The following VIPR2 variants were observed in gnomAD, a reference collection of about 807,000 sequenced individuals.
The protein encoded by VIPR2 is vasoactive intestinal peptide receptor 2.
In VIPR2, 48 loss-of-function variants were observed where a neutral mutation model predicts 58.0. That is an observed-to-expected ratio of 0.83 (90% confidence interval 0.66 to 1.05). VIPR2 has a LOEUF of 1.05. Ranked by LOEUF, VIPR2 falls within the 50% of genes least tolerant of loss-of-function variation. The probability of loss-of-function intolerance (pLI) is 0.00; values close to 1 mark genes in which losing one functional copy is unlikely to be tolerated. For synonymous variants in VIPR2, 243 were observed against 235.2 expected, an observed-to-expected ratio of 1.03 and a Z score of -0.30; for missense variants, 534 against 558.0, an observed-to-expected ratio of 0.96 and a Z score of 0.43.
chr7:159,068,066 G>A (rs1328254599), intron 4 of VIPR2, among the ~76,000 whole-genome samples: 5 of 152,210 alleles, frequency 3.3e-5, no homozygotes, highest in South Asian at 2.1e-4. Context: ...AACAGCAACC[G>A]GCTCAGAAAT....
intron 1 of VIPR2, chr7:159,144,424 C>T: frequency 5.8e-6 from 9 of 1,547,412 alleles, no homozygotes; most frequent in Non-Finnish European, 7.9e-6. Context: ...ACGAGCTCAT[C>T]GTTGACGCGT....
At chr7:159,142,326 C>A (rs1012556507) in intron 2 of VIPR2, 120 bp downstream of exon 2, 6 of 715,460 alleles carry the variant, frequency 8.4e-6, no homozygotes, top group African/African-American at 5.8e-5. Flanking sequence ...TGGGAAGTGG[C>A]CTTTCTTTTT....
In VIPR2 at chr7:159,096,909, C is replaced by T; in HGVS notation, c.357+6848G>A. On this transcript the variant is annotated intron_variant, in intron 4 of 12. Transcript: ENST00000262178. The surrounding 1 kb of genome is among the most constrained non-coding windows in gnomAD (Gnocchi z 5.5). Reference sequence around the variant, plus strand: ...GTGGCCGCCTTGCTGTCCCCGTTCCCATCACTCGATGAGCCAATGCCCTCG... The same window carrying T: ...GTGGCCGCCTTGCTGTCCCCGTTCCTATCACTCGATGAGCCAATGCCCTCG... The T allele has an allele frequency of 6.4e-7, 1 of 1,550,774 alleles. No homozygotes were observed. Among genetic ancestry groups the T allele is most frequent in the Non-Finnish European group, 8.7e-7 (1 of 1,147,118 alleles).
At chr7:159,112,315 T>A (rs148921829) in intron 2 of VIPR2, among the ~76,000 whole-genome samples, 29 of 152,026 alleles carry the variant, frequency 1.9e-4, no homozygotes, top group Admixed American at 1.5e-3. Context: ...CTCGAGGGCG[T>A]CAGGGCGCCG....
chr7:159,097,268 T>A lies in VIPR2; in HGVS notation c.357+6489A>T, dbSNP rs1383684248. 7.3e-7 allele frequency: 1 copy of A among 1,374,264 alleles called. No homozygotes were observed. The highest frequency in any genetic ancestry group is 9.4e-7 in the Non-Finnish European group (1 of 1,064,292). The allele number at this position is 1,374,264 out of a possible 1,614,324, so 85.1% of individuals were successfully genotyped here. A position where few individuals can be genotyped will look rare whatever the true frequency, so the allele number is the denominator to read the frequency against. ...CTGGAGGAGGGCAGAGGCTTATTTT[T>A]AGGGATGTGGCGTAACACGGAAGAA... On this transcript the variant is annotated intron_variant, in intron 4 of 12. Transcript: ENST00000262178. This position sits in a 1 kb window ranked among gnomAD's most constrained non-coding sequence, Gnocchi z 5.3.
chr7:159,069,175 C>T (rs1325924317), intron 4 of VIPR2, among the ~76,000 whole-genome samples: 1 of 152,210 alleles, frequency 6.6e-6, no homozygotes, highest in Non-Finnish European at 1.5e-5. Context: ...TTCACTACCG[C>T]CTCAGCAACT....
intron 4 of VIPR2, among the ~76,000 whole-genome samples, chr7:159,094,930 C>G (rs1324226054): frequency 6.6e-6 from 1 of 152,168 alleles, no homozygotes; most frequent in Non-Finnish European, 1.5e-5. Flanking sequence ...AAGTGGGGGC[C>G]TTTGCTTTGC....
chr7:159,065,074 G>T (rs1487435140), intron 4 of VIPR2, among the ~76,000 whole-genome samples: 2 of 152,218 alleles, frequency 1.3e-5, no homozygotes, highest in Non-Finnish European at 2.9e-5. Context: ...TCACAACACG[G>T]TGTTGGAACC....
intron 2 of VIPR2, among the ~76,000 whole-genome samples, chr7:159,135,341 A>C (rs1270835818): frequency 6.6e-6 from 1 of 152,128 alleles, no homozygotes; most frequent in Non-Finnish European, 1.5e-5. Context: ...CTGAGGCAGG[A>C]GAATTGCTTC....
At chr7:159,104,755 C>A (rs1407194798) in intron 3 of VIPR2, among the ~76,000 whole-genome samples, 2 of 151,784 alleles carry the variant, frequency 1.3e-5, no homozygotes, top group Admixed American at 6.6e-5. Context: ...CCTGACAGCA[C>A]CCTCTCTCCT....
chr7:159,143,280 C>T (rs923255120), intron 1 of VIPR2, among the ~76,000 whole-genome samples: 2 of 152,222 alleles, frequency 1.3e-5, no homozygotes, highest in Non-Finnish European at 2.9e-5. Context: ...GTTCTTCACG[C>T]CCTCCGCGAA....
intron 2 of VIPR2, among the ~76,000 whole-genome samples, chr7:159,114,593 A>C (rs1796164117): frequency 1.4e-5 from 2 of 146,676 alleles, no homozygotes; most frequent in African/African-American, 2.8e-5. Context: ...AACCCTAAAT[A>C]AAATAGTAAA....
At chr7:159,055,415 A>G (rs188453181) in intron 5 of VIPR2, among the ~76,000 whole-genome samples, 2 of 152,120 alleles carry the variant, frequency 1.3e-5, no homozygotes, top group East Asian at 3.9e-4. Flanking sequence ...CATATACTGC[A>G]TTAGCAAACG....
rs1293355909 is a variant in VIPR2, at chr7:159,031,356, G to A, written c.1143+472C>T. On this transcript the variant is annotated intron_variant, in intron 12 of 12. Transcript: ENST00000262178. The surrounding 1 kb of genome is among the most constrained non-coding windows in gnomAD (Gnocchi z 4.0). ...AGGGGTCAGGGGACGGGGCCAGGCCGTTGGAGCAGCCCGGAGACAGCCTCC... is the reference window on the plus strand; with the variant it reads ...AGGGGTCAGGGGACGGGGCCAGGCCATTGGAGCAGCCCGGAGACAGCCTCC... 1.1e-6 allele frequency: 1 copy of A among 895,030 alleles called. No homozygotes were observed. The highest frequency in any genetic ancestry group is 1.3e-6 in the Non-Finnish European group (1 of 747,330). The allele number at this position is 895,030 out of a possible 1,614,324, so 55.4% of individuals were successfully genotyped here. A position where few individuals can be genotyped will look rare whatever the true frequency, so the allele number is the denominator to read the frequency against.
intron 6 of VIPR2, 114 bp downstream of exon 6, chr7:159,042,921 G>T: frequency 7.3e-7 from 1 of 1,363,464 alleles, no homozygotes; most frequent in Non-Finnish European, 9.8e-7. Flanking sequence ...TCTCAGCCAT[G>T]ACCCTGTGCC....
chr7:159,095,077 C>T lies in VIPR2; in HGVS notation c.357+8680G>A, dbSNP rs946281357. Among the ~76,000 whole-genome samples, 13 of 152,126 alleles carry T rather than the reference C, an allele frequency of 8.5e-5. No individual in the cohort carries two copies. The highest frequency in any genetic ancestry group is 1.8e-4 in the Non-Finnish European group (12 of 68,018). On this transcript the variant is annotated intron_variant, in intron 4 of 12. Transcript: ENST00000262178. The surrounding 1 kb of genome is among the most constrained non-coding windows in gnomAD (Gnocchi z 5.2). ...CTGAGGTCTCTGAGGGCATCACGGC[C>T]ACAAAGATGGAGAGGGGCTAGGGAG...
chr7:159,080,127 A>G (rs1856829520), intron 4 of VIPR2, among the ~76,000 whole-genome samples: 2 of 152,240 alleles, frequency 1.3e-5, no homozygotes, highest in African/African-American at 4.8e-5. Context: ...TGAGGCCAGC[A>G]TCATCCTGAT....
At position 159,128,487 on chromosome 7, in the gene VIPR2, T is replaced by C. The variant is rs1796739187; in HGVS notation, c.151+13959A>G. On this transcript the variant is annotated intron_variant, in intron 2 of 12. Transcript: ENST00000262178. The surrounding 1 kb of genome is among the most constrained non-coding windows in gnomAD (Gnocchi z 4.1). ...CCCCTCCTGCCTTGGGCCTCCCACC[T>C]GTGTGCTGGGACCCCTTCACCCTCC... Among the ~76,000 whole-genome samples the C allele has an allele frequency of 6.6e-6, 1 of 152,160 alleles. No homozygotes were observed. Among genetic ancestry groups the C allele is most frequent in the Non-Finnish European group, 1.5e-5 (1 of 68,012 alleles).
intron 2 of VIPR2, among the ~76,000 whole-genome samples, chr7:159,130,988 G>C (rs1796888053): frequency 6.6e-6 from 1 of 152,186 alleles, no homozygotes. Context: ...TGGCATCCAA[G>C]GCCCAGCATG....
Sources: gnomAD v4.1 joint callset for allele counts (sites outside exome capture counted in the v4.1 genomes callset) on GRCh38, gnomAD v4.1.1 for gene constraint, Gnocchi (gnomAD v3.1) non-coding constraint, MANE v1.5 for transcripts, NCBI Gene and HGNC (gene_info 2026-07-23, HGNC 2026-07-21) for gene names.